Variants in LURAP1L observed in about 807,000 individuals in gnomAD.
LURAP1L encodes leucine rich adaptor protein 1 like.
A neutral mutation model predicts 13.8 loss-of-function variants in LURAP1L; 12 were observed. That is an observed-to-expected ratio of 0.87 (90% CI 0.56 to 1.41). LURAP1L has a LOEUF of 1.41. Ranked by LOEUF, LURAP1L falls within the 40% of genes most tolerant of loss-of-function variation. The pLI is 0.00. For synonymous variants in LURAP1L, 139 were observed against 119.2 expected (o/e 1.17, Z -1.08); for missense variants, 375 against 292.9 (o/e 1.28, Z -2.04).
chr9:12,777,239 G>A (rs1196021748), intron 1 of LURAP1L: 13 of 985,270 alleles, frequency 1.3e-5, no homozygotes, highest in Non-Finnish European at 1.4e-5. Flanking sequence ...GGTACATAAT[G>A]GAGAAGCTGG....
chr9:12,782,654 T>C (rs1354118073), intron 1 of LURAP1L, among the ~76,000 whole-genome samples: 1 of 152,120 alleles, frequency 6.6e-6, no homozygotes, highest in Non-Finnish European at 1.5e-5. Context: ...TGTAGTATAA[T>C]TTGAAGTCAG....
At chr9:12,786,756 A>C (rs1395449464) in intron 1 of LURAP1L, among the ~76,000 whole-genome samples, 1 of 151,464 alleles carries the variant, frequency 6.6e-6, no homozygotes, top group African/African-American at 2.4e-5. Flanking sequence ...ATATCTCTCA[A>C]ATAGGCTCTT....
chr9:12,779,039 A>C (rs1221126446), intron 1 of LURAP1L, among the ~76,000 whole-genome samples: 1 of 152,164 alleles, frequency 6.6e-6, no homozygotes, highest in African/African-American at 2.4e-5. Flanking sequence ...CAATAAAATA[A>C]AACAGTGTAT....
chr9:12,801,974 C>A (rs1003459227), intron 1 of LURAP1L, among the ~76,000 whole-genome samples: 1 of 152,130 alleles, frequency 6.6e-6, no homozygotes, highest in Admixed American at 6.5e-5. Flanking sequence ...AGTCCATTTC[C>A]TTCTGAGAGT....
At chr9:12,809,343 G>T (rs764709906) in intron 1 of LURAP1L, among the ~76,000 whole-genome samples, 1 of 152,164 alleles carries the variant, frequency 6.6e-6, no homozygotes, top group East Asian at 1.9e-4. Flanking sequence ...TTGCATTTCA[G>T]TTTGGGGAGT....
chr9:12,813,561 G>A (rs1031044997), intron 1 of LURAP1L, among the ~76,000 whole-genome samples: 1 of 152,090 alleles, frequency 6.6e-6, no homozygotes, highest in Non-Finnish European at 1.5e-5. Context: ...TTTATTGGTT[G>A]TCTAGACTTA....
At chr9:12,808,672 C>T (rs991672235) in intron 1 of LURAP1L, among the ~76,000 whole-genome samples, 4 of 151,976 alleles carry the variant, frequency 2.6e-5, no homozygotes, top group Admixed American at 6.6e-5. Flanking sequence ...TTCTATAATT[C>T]GAATATAATA....
chr9:12,785,331 G>C (rs1484267238), intron 1 of LURAP1L, among the ~76,000 whole-genome samples: 1 of 152,022 alleles, frequency 6.6e-6, no homozygotes, highest in Non-Finnish European at 1.5e-5. Context: ...GCTGGGGGAG[G>C]GGGTGACACA....
At chr9:12,777,481 G>T (rs1819204576) in intron 1 of LURAP1L, 1 of 985,188 alleles carries the variant, frequency 1.0e-6, no homozygotes, top group African/African-American at 1.7e-5. Flanking sequence ...ACATCAAGGA[G>T]ATGAGGAAAT....
intron 1 of LURAP1L, among the ~76,000 whole-genome samples, chr9:12,809,884 G>A (rs1010293559): frequency 3.3e-5 from 5 of 152,052 alleles, no homozygotes; most frequent in African/African-American, 4.8e-5. Flanking sequence ...CTTTAAATAT[G>A]GTCAGAGGCC....
intron 1 of LURAP1L, among the ~76,000 whole-genome samples, chr9:12,784,982 T>C (rs1207032524): frequency 6.6e-6 from 1 of 151,648 alleles, no homozygotes; most frequent in Non-Finnish European, 1.5e-5. Context: ...AAGGAGTTTC[T>C]CCTCATGGCC....
intron 1 of LURAP1L, among the ~76,000 whole-genome samples, chr9:12,807,031 A>ACT (rs1402355781): frequency 1.6e-5 from 2 of 121,934 alleles, no homozygotes; most frequent in Admixed American, 8.9e-5. Flanking sequence ...AAAAAAAAAA[A>ACT]AAAAAAAAAA....
chr9:12,820,460 G>A (rs1295570060), intron 1 of LURAP1L, among the ~76,000 whole-genome samples: 1 of 122,912 alleles, frequency 8.1e-6, no homozygotes, highest in Admixed American at 1.1e-4. Context: ...CCGAGATTCC[G>A]CCACTGCACT....
At chr9:12,797,952 A>T (rs911100852) in intron 1 of LURAP1L, among the ~76,000 whole-genome samples, 6 of 152,266 alleles carry the variant, frequency 3.9e-5, no homozygotes, top group Admixed American at 6.5e-5. Context: ...CCAACTTCAA[A>T]TAGATAATGA....
In LURAP1L at chr9:12,775,638, T is replaced by C; in HGVS notation, c.-78T>C. 6.6e-7 allele frequency: 1 copy of C among 1,505,086 alleles called. No individual in the cohort carries two copies. Among genetic ancestry groups the C allele is most frequent in the Non-Finnish European group, 8.8e-7 (1 of 1,130,668 alleles). 93.2% of individuals were successfully genotyped at this position (1,505,086 alleles called of 1,614,324 possible). Reference sequence around the variant, plus strand: ...CCTGGCCCCCGGAGAGGTCTGCTGATTTCGCAGCAGCCTTCGAAGCCGTGG... The same window carrying C: ...CCTGGCCCCCGGAGAGGTCTGCTGACTTCGCAGCAGCCTTCGAAGCCGTGG... On this transcript the variant is annotated 5_prime_UTR_variant, in exon 1 of 2. Transcript: ENST00000319264.
At chr9:12,807,596 G>T (rs1819677365) in intron 1 of LURAP1L, among the ~76,000 whole-genome samples, 1 of 152,140 alleles carries the variant, frequency 6.6e-6, no homozygotes, top group Non-Finnish European at 1.5e-5. Context: ...TAGTAGACAA[G>T]TTATAATTGG....
chr9:12,804,033 A>C (rs1271689361), intron 1 of LURAP1L, among the ~76,000 whole-genome samples: 2 of 152,230 alleles, frequency 1.3e-5, no homozygotes, highest in African/African-American at 2.4e-5. Flanking sequence ...ATTGTGATTC[A>C]CACTGAAAAG....
At chr9:12,776,530 C>A (rs1819187094) in intron 1 of LURAP1L, among the ~76,000 whole-genome samples, 1 of 152,052 alleles carries the variant, frequency 6.6e-6, no homozygotes. Context: ...TCCACCAGTA[C>A]CGCTCCGCCC....
rs60324198 is a variant in LURAP1L, at chr9:12,783,827, CTT to C, written c.312+7814_312+7815del. On this transcript the variant is annotated intron_variant, in intron 1 of 1. Transcript: ENST00000319264. ...AGCAATGAAGCTATGAGGTCCTGGG[CTT>C]TTTTTTTTTTTTTAATAATTTTGCA... 3.3e-3 allele frequency among the ~76,000 whole-genome samples: 391 copies of C among 117,364 alleles called. 1 individual carries two copies. The highest frequency in any genetic ancestry group is 0.011 in the African/African-American group (360 of 31,916). 77.0% of individuals were successfully genotyped at this position (117,364 alleles called of 152,430 possible).
Sources: allele counts gnomAD v4.1 joint callset (sites outside exome capture counted in the v4.1 genomes callset), GRCh38; gene constraint gnomAD v4.1.1; transcripts MANE v1.5; gene names NCBI Gene and HGNC (gene_info 2026-07-23, HGNC 2026-07-21).